The following ZC3H12C variants were observed in gnomAD, a reference collection of about 807,000 sequenced individuals.
ZC3H12C encodes the protein probable ribonuclease ZC3H12C.
ZC3H12C carries 20 observed loss-of-function variants against 76.3 expected under a neutral mutation model. The observed-to-expected ratio is 0.26, with a 90% CI of 0.18 to 0.38. ZC3H12C has a LOEUF of 0.38. Ranked by LOEUF, ZC3H12C falls within the 10% of genes least tolerant of loss-of-function variation. The pLI is 1.00. For synonymous variants in ZC3H12C, 352 were observed against 399.6 expected (o/e 0.88, Z 1.42); for missense variants, 874 against 1,086.5 (o/e 0.80, Z 2.75).
intron 2 of ZC3H12C, among the ~76,000 whole-genome samples, chr11:110,139,379 A>G (rs899113825): frequency 6.6e-6 from 1 of 152,228 alleles, no homozygotes; most frequent in East Asian, 1.9e-4. Context: ...CTGTAATCCA[A>G]GGGTAATTGA....
intron 1 of ZC3H12C, chr11:110,135,876 T>C (rs987844535): frequency 1.3e-5 from 2 of 152,160 alleles, no homozygotes; most frequent in Admixed American, 6.5e-5. Flanking sequence ...AATAAAACTT[T>C]TACCTTTTCC....
intron 1 of ZC3H12C, among the ~76,000 whole-genome samples, chr11:110,128,448 T>A (rs1038555729): frequency 3.7e-4 from 56 of 152,308 alleles, no homozygotes; most frequent in African/African-American, 1.3e-3. Flanking sequence ...CTGGGGTAGT[T>A]TCTCTCATTC....
Position 110,125,270 on chromosome 11 carries a change from A to AGTGTGT in ZC3H12C, c.22-11347_22-11342dup, listed in dbSNP as rs59512764. ...TGGGAACCATATAGGATCTCTCACT[A>AGTGTGT]GTGTGTGTGTGTGTGTGTGTGTGTG... On this transcript the variant is annotated intron_variant, in intron 1 of 5. Transcript: ENST00000278590. 2.4e-3 allele frequency among the ~76,000 whole-genome samples: 329 copies of AGTGTGT among 138,758 alleles called. 6 individuals carry two copies. Among genetic ancestry groups the AGTGTGT allele is most frequent in the African/African-American group, 4.0e-3 (147 of 36,714 alleles). The allele number at this position is 138,758 out of a possible 152,430, so 91.0% of individuals were successfully genotyped here. A position where few individuals can be genotyped will look rare whatever the true frequency, so the allele number is the denominator to read the frequency against.
intron 1 of ZC3H12C, among the ~76,000 whole-genome samples, chr11:110,111,129 A>G (rs1861420371): frequency 6.6e-6 from 1 of 152,196 alleles, no homozygotes. Context: ...GACAGCCAGA[A>G]GCCAGAGTGT....
At chr11:110,104,475 C>G (rs1040952006) in intron 1 of ZC3H12C, among the ~76,000 whole-genome samples, 2 of 152,200 alleles carry the variant, frequency 1.3e-5, no homozygotes, top group African/African-American at 2.4e-5. Context: ...GAGAGACTTA[C>G]GCTGTGGATT....
chr11:110,165,044 C>T lies in ZC3H12C; in HGVS notation c.1959C>T (p.Asp653=), dbSNP rs1862552522. The T allele has an allele frequency of 1.2e-6, 2 of 1,613,930 alleles. No individual in the cohort carries two copies. The highest frequency in any genetic ancestry group is 1.6e-4 in the Middle Eastern group (1 of 6,062). ...ACCGGTCCTATGTCAGCTCCCCCGA[C>T]CCACAGCTAGAGGAGAATTTGAAGT... ...YNDRSYVSSP[D]PQLEENLKCQ... The change falls in exon 6 of 6, where the codon GAC becomes GAT. Residue 653 remains aspartate, a synonymous_variant. Transcript: ENST00000278590.
intron 2 of ZC3H12C, among the ~76,000 whole-genome samples, chr11:110,147,848 TG>T (rs1304151901): frequency 3.9e-5 from 6 of 152,290 alleles, no homozygotes. Flanking sequence ...AGCTGTGTTT[TG>T]CATGTTCTGT....
At chr11:110,129,333 T>A (rs1861817115) in intron 1 of ZC3H12C, among the ~76,000 whole-genome samples, 1 of 152,172 alleles carries the variant, frequency 6.6e-6, no homozygotes, top group Admixed American at 6.5e-5. Context: ...TAATTTTCAG[T>A]TTTTAGTAGG....
At chr11:110,138,756 A>C (rs893047172) in intron 2 of ZC3H12C, among the ~76,000 whole-genome samples, 2 of 151,932 alleles carry the variant, frequency 1.3e-5, no homozygotes, top group Non-Finnish European at 2.9e-5. Flanking sequence ...CCTGGGTTTT[A>C]CCATGTTGGC....
At chr11:110,095,165 G>A (rs893071947) in intron 1 of ZC3H12C, among the ~76,000 whole-genome samples, 7 of 152,136 alleles carry the variant, frequency 4.6e-5, no homozygotes, top group Admixed American at 3.9e-4. Context: ...TTGTTTTAAT[G>A]ACCAGACTAT....
rs1234705165 is a variant in ZC3H12C, at chr11:110,168,640, A to C, written c.*2903A>C. The stretch of plus-strand genomic sequence containing the variant: ...TAATTGACAGTTGACTGTGCTTTAC[A>C]CAGTAACTAGCCAGTCTGTTGTCTC... On this transcript the variant is annotated 3_prime_UTR_variant, in exon 6 of 6. Coordinates refer to ENST00000278590, the MANE Select transcript of ZC3H12C (RefSeq NM_033390.2). 1 of 152,212 alleles carries C rather than the reference A, an allele frequency of 6.6e-6. No individual in the cohort carries two copies. Among genetic ancestry groups the C allele is most frequent in the Non-Finnish European group, 1.5e-5 (1 of 68,004 alleles). The allele number at this position is 152,212 out of a possible 1,614,324, so 9.4% of individuals were successfully genotyped here. A position where few individuals can be genotyped will look rare whatever the true frequency, so the allele number is the denominator to read the frequency against.
chr11:110,115,635 A>G (rs1449164289), intron 1 of ZC3H12C, among the ~76,000 whole-genome samples: 4 of 150,604 alleles, frequency 2.7e-5, no homozygotes, highest in African/African-American at 4.9e-5. Flanking sequence ...GGGTCTTGCT[A>G]TGTTGCCTAG....
At chr11:110,108,393 T>C (rs1200564038) in intron 1 of ZC3H12C, among the ~76,000 whole-genome samples, 1 of 152,238 alleles carries the variant, frequency 6.6e-6, no homozygotes, top group African/African-American at 2.4e-5. Flanking sequence ...ATGACAGTGC[T>C]ATTGAAATGG....
intron 2 of ZC3H12C, among the ~76,000 whole-genome samples, chr11:110,139,736 A>G (rs557828954): frequency 2.6e-4 from 39 of 152,318 alleles, no homozygotes; most frequent in Middle Eastern, 3.4e-3. Flanking sequence ...CCTGAGGAAT[A>G]CCTACAACCA....
chr11:110,118,111 CACAT>C (rs1427107305), intron 1 of ZC3H12C, among the ~76,000 whole-genome samples: 3 of 147,418 alleles, frequency 2.0e-5, no homozygotes, highest in Non-Finnish European at 4.5e-5. Context: ...CACATATACA[CACAT>C]ACTTTATACA....
chr11:110,116,895 A>G (rs1464811427), intron 1 of ZC3H12C, among the ~76,000 whole-genome samples: 1 of 152,234 alleles, frequency 6.6e-6, no homozygotes, highest in Non-Finnish European at 1.5e-5. Context: ...TCTTATATCC[A>G]TAAATTATAA....
chr11:110,141,909 A>T (rs1862073193), intron 2 of ZC3H12C, among the ~76,000 whole-genome samples: 1 of 152,210 alleles, frequency 6.6e-6, no homozygotes, highest in African/African-American at 2.4e-5. Context: ...GGTATGCCAG[A>T]TGATTTAAAA....
At chr11:110,147,322 A>AAGGC (rs1862189098) in intron 2 of ZC3H12C, among the ~76,000 whole-genome samples, 1 of 152,170 alleles carries the variant, frequency 6.6e-6, no homozygotes, top group South Asian at 2.1e-4. Context: ...TCACTTTAAA[A>AAGGC]AGGCATTTGA....
intron 1 of ZC3H12C, among the ~76,000 whole-genome samples, chr11:110,110,427 A>G (rs1861405016): frequency 6.6e-6 from 1 of 152,030 alleles, no homozygotes; most frequent in Non-Finnish European, 1.5e-5. Flanking sequence ...CTTTTTTACC[A>G]GTTTAATAGT....
Sources: gnomAD v4.1 joint callset for allele counts (sites outside exome capture counted in the v4.1 genomes callset) on GRCh38, gnomAD v4.1.1 for gene constraint, MANE v1.5 for transcripts, NCBI Gene and HGNC (gene_info 2026-07-23, HGNC 2026-07-21) for gene names.